Variants in FBXO10 observed in about 807,000 individuals in gnomAD.
The protein encoded by FBXO10 is F-box protein 10.
Under a neutral mutation model 80.7 loss-of-function variants are expected in FBXO10, and 39 were observed. That is an observed-to-expected ratio of 0.48 (90% CI 0.37 to 0.63). The LOEUF (loss-of-function observed/expected upper bound fraction) is 0.63. Ranked by LOEUF, FBXO10 falls within the 30% of genes least tolerant of loss-of-function variation. The probability of loss-of-function intolerance (pLI) is 0.00; values close to 1 mark genes in which losing one functional copy is unlikely to be tolerated. For synonymous variants in FBXO10, 449 were observed against 489.6 expected (o/e 0.92, Z 1.09); for missense variants, 1,025 against 1,269.0 (o/e 0.81, Z 2.92).
chr9:37,523,848 C>T (rs7037295), intron 6 of FBXO10, among the ~76,000 whole-genome samples: 5,361 of 152,214 alleles, frequency 0.035, 314 homozygotes, highest in African/African-American at 0.12. Context: ...ACCTGGGAGG[C>T]GGAGGTTGCA....
Position 37,530,840 on chromosome 9 carries a change from T to C in FBXO10, c.1569+1069A>G, listed in dbSNP as rs542497344. On this transcript the variant is annotated intron_variant, in intron 4 of 10. Transcript: ENST00000432825. ...ATTTTTTGTAGAGACAGGGTCTTGCTATGTTGCCCAGGCTGGTCTTAAACT... is the reference window on the plus strand; with the variant it reads ...ATTTTTTGTAGAGACAGGGTCTTGCCATGTTGCCCAGGCTGGTCTTAAACT... 3.3e-5 allele frequency among the ~76,000 whole-genome samples: 5 copies of C among 152,314 alleles called. No individual in the cohort carries two copies. In the East Asian group the frequency reaches 9.6e-4, roughly 29 times the overall value.
intron 1 of FBXO10, among the ~76,000 whole-genome samples, chr9:37,553,061 G>T (rs1052037251): frequency 7.3e-5 from 11 of 149,908 alleles, no homozygotes; most frequent in South Asian, 2.1e-4. Context: ...TATTTTTTTT[G>T]AGATGGAGTC....
At chr9:37,544,801 T>A (rs922355373) in intron 1 of FBXO10, among the ~76,000 whole-genome samples, 1 of 152,018 alleles carries the variant, frequency 6.6e-6, no homozygotes, top group Non-Finnish European at 1.5e-5. Flanking sequence ...GAGACCATCC[T>A]GGCTAACATG....
rs113779054 is a variant in FBXO10, at chr9:37,523,385, A to AC, written c.1778-409_1778-408insG. On this transcript the variant is annotated intron_variant, in intron 6 of 10. Transcript: ENST00000432825. ...GGCAAAATGGGGAAATCCTGTCTCT[A>AC]AAAAAAAATACAAAAAAAATTAGCC... 3.1e-5 allele frequency among the ~76,000 whole-genome samples: 3 copies of AC among 96,400 alleles called. No individual in the cohort carries two copies. The South Asian group carries it at 1.1e-3, about 36-fold the overall frequency. 63.2% of individuals were successfully genotyped at this position (96,400 alleles called of 152,430 possible). A position where few individuals can be genotyped will look rare whatever the true frequency, so the allele number is the denominator to read the frequency against.
chr9:37,528,274 T>G lies in FBXO10; in HGVS notation c.1706+850A>C, dbSNP rs116687980. Among the ~76,000 whole-genome samples, 582 of 152,300 alleles carry G rather than the reference T, an allele frequency of 3.8e-3. 6 individuals carry two copies. Among genetic ancestry groups the G allele is most frequent in the African/African-American group, 0.013 (538 of 41,570 alleles). ...TTTCCACTCTGCTGTGTGGCACAGA[T>G]GGTCTGCCGCAAGGACGTCAAGGGT... On this transcript the variant is annotated intron_variant, in intron 5 of 10. Coordinates refer to ENST00000432825, the MANE Select transcript of FBXO10 (RefSeq NM_012166.3).
intron 1 of FBXO10, among the ~76,000 whole-genome samples, 191 bp downstream of exon 1, chr9:37,576,020 G>A (rs1822886578): frequency 6.6e-6 from 1 of 152,212 alleles, no homozygotes; most frequent in African/African-American, 2.4e-5. Flanking sequence ...CCGGGGGACC[G>A]CGGAGCCGCG....
chr9:37,560,207 T>C (rs1452773476), intron 1 of FBXO10, among the ~76,000 whole-genome samples: 1 of 152,216 alleles, frequency 6.6e-6, no homozygotes, highest in Non-Finnish European at 1.5e-5. Context: ...GGTGGAACAG[T>C]GAGGGCAGGA....
At chr9:37,575,540 GAATC>G (rs1320325055) in intron 1 of FBXO10, 1 of 152,288 alleles carries the variant, frequency 6.6e-6, no homozygotes, top group East Asian at 1.9e-4. Flanking sequence ...CACAGATGAG[GAATC>G]AATCTGGCTG....
chr9:37,565,611 C>A (rs1433055377), intron 1 of FBXO10, among the ~76,000 whole-genome samples: 1 of 152,192 alleles, frequency 6.6e-6, no homozygotes, highest in Non-Finnish European at 1.5e-5. Context: ...CACCAGGGAA[C>A]TGATGTGCAC....
Position 37,521,856 on chromosome 9 carries a change from G to C in FBXO10, c.1931-18C>G, listed in dbSNP as rs561795858. 6.4e-7 allele frequency: 1 copy of C among 1,550,930 alleles called. No homozygotes were observed. Among genetic ancestry groups the C allele is most frequent in the East Asian group, 2.3e-5 (1 of 44,076 alleles). ...CTTGTTAGCTGGGACAGTGAGAGGA[G>C]CTGGTCACCGACACTGAACTCAGGT... On this transcript the variant is annotated intron_variant, in intron 7 of 10. Transcript: ENST00000432825.
chr9:37,519,047 C>G (rs1225189757), intron 8 of FBXO10, among the ~76,000 whole-genome samples: 1 of 151,978 alleles, frequency 6.6e-6, no homozygotes. Flanking sequence ...GTGGCTGGGA[C>G]TACAGGCACC....
chr9:37,548,584 A>G (rs1377005403), intron 1 of FBXO10, among the ~76,000 whole-genome samples: 3 of 152,092 alleles, frequency 2.0e-5, no homozygotes, highest in African/African-American at 7.2e-5. Context: ...TCAGAACTAG[A>G]GAAACCTCCT....
chr9:37,528,493 C>T (rs892641780), intron 5 of FBXO10, among the ~76,000 whole-genome samples: 1 of 152,206 alleles, frequency 6.6e-6, no homozygotes, highest in Non-Finnish European at 1.5e-5. Flanking sequence ...CCCTCCCTAC[C>T]CCTATCTCCA....
At chr9:37,564,795 GGCAGAAGGGACTT>G (rs940965915) in intron 1 of FBXO10, among the ~76,000 whole-genome samples, 1 of 152,194 alleles carries the variant, frequency 6.6e-6, no homozygotes, top group African/African-American at 2.4e-5. Context: ...CAGGCTCATA[GGCAGAAGGGACTT>G]GCCTTGTCTC....
At chr9:37,539,874 C>T (rs79147212) in intron 2 of FBXO10, among the ~76,000 whole-genome samples, 3,036 of 152,286 alleles carry the variant, frequency 0.02, 85 homozygotes, top group African/African-American at 0.069. Flanking sequence ...ATCTACTTCA[C>T]CTACACAAAT....
chr9:37,569,957 A>C (rs942003765), intron 1 of FBXO10, among the ~76,000 whole-genome samples: 7 of 152,274 alleles, frequency 4.6e-5, no homozygotes, highest in Non-Finnish European at 8.8e-5. Flanking sequence ...TTTCTCGAAT[A>C]TAATATCTAT....
intron 1 of FBXO10, among the ~76,000 whole-genome samples, chr9:37,557,250 T>C (rs1287000898): frequency 2.6e-5 from 4 of 152,072 alleles, no homozygotes; most frequent in Non-Finnish European, 4.4e-5. Context: ...GCAGCTCAAA[T>C]GAACCCTTTT....
chr9:37,517,108 CA>C (rs1183673382), intron 9 of FBXO10, among the ~76,000 whole-genome samples: 3 of 152,078 alleles, frequency 2.0e-5, no homozygotes, highest in Non-Finnish European at 4.4e-5. Context: ...AACGGAAAAC[CA>C]AATATCCTAT....
At chr9:37,526,095 G>A (rs903556630) in intron 5 of FBXO10, among the ~76,000 whole-genome samples, 1 of 151,772 alleles carries the variant, frequency 6.6e-6, no homozygotes, top group South Asian at 2.1e-4. Context: ...GTGTACATGG[G>A]GCAAGCAGAA....
Sources: allele counts gnomAD v4.1 joint callset (sites outside exome capture counted in the v4.1 genomes callset), GRCh38; gene constraint gnomAD v4.1.1; transcripts MANE v1.5; gene names NCBI Gene and HGNC (gene_info 2026-07-23, HGNC 2026-07-21).